The following SMIM13 variants were observed in gnomAD, a reference collection of about 807,000 sequenced individuals.
SMIM13 encodes UPF0766 protein C6orf228.
In SMIM13, 3 loss-of-function variants were observed where a neutral mutation model predicts 5.9. That is an observed-to-expected ratio of 0.51 (90% CI 0.23 to 1.31). SMIM13 has a LOEUF of 1.31. SMIM13 is among the 40% of genes most tolerant of loss of function. SMIM13 has a pLI of 0.18. For synonymous variants in SMIM13, 55 were observed against 46.0 expected (o/e 1.19, Z -0.79); for missense variants, 85 against 109.9 (o/e 0.77, Z 1.01).
chr6:11,126,654 G>A (rs149573402), intron 1 of SMIM13, among the ~76,000 whole-genome samples: 8 of 152,138 alleles, frequency 5.3e-5, no homozygotes, highest in South Asian at 2.1e-4. Context: ...TGGTGAGGTC[G>A]TGTTTTCCTG....
intron 1 of SMIM13, among the ~76,000 whole-genome samples, chr6:11,114,612 T>C (rs1193681809): frequency 2.2e-5 from 3 of 137,090 alleles, no homozygotes; most frequent in Non-Finnish European, 3.1e-5. Flanking sequence ...TTTTTTTTTT[T>C]TTTTGAGATG....
In SMIM13 at chr6:11,135,160, A is replaced by G. The variant is rs1230953452; in HGVS notation, c.*558A>G. 1 of 152,608 alleles carries G rather than the reference A, an allele frequency of 6.6e-6. No individual in the cohort carries two copies. Among genetic ancestry groups the G allele is most frequent in the Non-Finnish European group, 1.5e-5 (1 of 68,030 alleles). 9.5% of individuals were successfully genotyped at this position (152,608 alleles called of 1,614,324 possible). A position where few individuals can be genotyped will look rare whatever the true frequency, so the allele number is the denominator to read the frequency against. ...TGATTCAGCATTGAAACGAAAAGTTATTGTGTATGCAGAAAAGCATGGAAA... is the reference window on the plus strand; with the variant it reads ...TGATTCAGCATTGAAACGAAAAGTTGTTGTGTATGCAGAAAAGCATGGAAA... On this transcript the variant is annotated 3_prime_UTR_variant, in exon 2 of 2. Coordinates refer to ENST00000416247, the MANE Select transcript of SMIM13 (RefSeq NM_001135575.2).
At chr6:11,100,046 TTTTTTG>T (rs572329180) in intron 1 of SMIM13, among the ~76,000 whole-genome samples, 21 of 152,188 alleles carry the variant, frequency 1.4e-4, no homozygotes, top group Admixed American at 5.2e-4. Flanking sequence ...GGTACATTGT[TTTTTTG>T]TTTTTGTTTT....
intron 1 of SMIM13, 133 bp from the exon 2 acceptor site, chr6:11,134,270 A>G (rs924965863): frequency 1.6e-5 from 9 of 569,170 alleles, no homozygotes; most frequent in African/African-American, 1.5e-4. Context: ...AATGTTTGTT[A>G]TATCATTATA....
chr6:11,129,026 G>A (rs182885984), intron 1 of SMIM13, among the ~76,000 whole-genome samples: 3 of 151,980 alleles, frequency 2.0e-5, no homozygotes, highest in African/African-American at 7.2e-5. Flanking sequence ...TGATTTTTAT[G>A]GAGGTGCTTT....
rs939707420 is a variant in SMIM13 at position 11,135,607 on chromosome 6, G to A, written c.*1005G>A. 6.6e-6 allele frequency: 1 copy of A among 152,594 alleles called. No homozygotes were observed. The highest frequency in any genetic ancestry group is 1.5e-5 in the Non-Finnish European group (1 of 68,030). The allele number at this position is 152,594 out of a possible 1,614,324, so 9.5% of individuals were successfully genotyped here. On this transcript the variant is annotated 3_prime_UTR_variant, in exon 2 of 2. Transcript: ENST00000416247. Reference sequence around the variant, plus strand: ...CATAACCAGTACTCTTGACAACACCGGGAGAGACGTTCTGTGGAAAAATGC... The same window carrying A: ...CATAACCAGTACTCTTGACAACACCAGGAGAGACGTTCTGTGGAAAAATGC...
chr6:11,095,179 CTG>C (rs956436505), intron 1 of SMIM13, among the ~76,000 whole-genome samples: 42 of 152,280 alleles, frequency 2.8e-4, no homozygotes, highest in African/African-American at 1.0e-3. Flanking sequence ...ATTTATAAGA[CTG>C]AAGTATGGGT....
At chr6:11,097,712 A>T (rs1757943653) in intron 1 of SMIM13, among the ~76,000 whole-genome samples, 1 of 151,792 alleles carries the variant, frequency 6.6e-6, no homozygotes, top group Non-Finnish European at 1.5e-5. Context: ...GTACAGTCAC[A>T]CTGGGGGTTA....
chr6:11,133,867 T>C (rs1263062463), intron 1 of SMIM13, among the ~76,000 whole-genome samples: 2 of 152,114 alleles, frequency 1.3e-5, no homozygotes, highest in Admixed American at 1.3e-4. Context: ...CTTTAGTCTT[T>C]CATCATATAA....
intron 1 of SMIM13, among the ~76,000 whole-genome samples, chr6:11,108,748 G>T (rs1758125185): frequency 6.6e-6 from 1 of 152,170 alleles, no homozygotes; most frequent in African/African-American, 2.4e-5. Flanking sequence ...CAGGCATAGG[G>T]GTACTGGGAT....
rs1174816259 is a variant in SMIM13, at chr6:11,136,637, T to A, written c.*2035T>A. The A allele has an allele frequency of 6.6e-6, 1 of 152,132 alleles. No homozygotes were observed. The highest frequency in any genetic ancestry group is 2.4e-5 in the African/African-American group (1 of 41,436). The allele number at this position is 152,132 out of a possible 1,614,324, so 9.4% of individuals were successfully genotyped here. On this transcript the variant is annotated 3_prime_UTR_variant, in exon 2 of 2. Coordinates refer to ENST00000416247, the MANE Select transcript of SMIM13 (RefSeq NM_001135575.2). ...AATTCACAGAACATAACTTTAGTTT[T>A]ATGTGTTTGCTAGGGGAAGATTTCC...
Position 11,093,970 on chromosome 6 carries a change from G to C in SMIM13, c.-344G>C, listed in dbSNP as rs1047362645. ...CTTACCCTCTGTCCTCCCTACAGGC[G>C]CGCGGCGTCCGCCATGGAAGCGCAT... On this transcript the variant is annotated 5_prime_UTR_variant, in exon 1 of 2. Coordinates refer to ENST00000416247, the MANE Select transcript of SMIM13 (RefSeq NM_001135575.2). 8.5e-5 allele frequency: 13 copies of C among 152,404 alleles called. No homozygotes were observed. The highest frequency in any genetic ancestry group is 1.5e-5 in the Non-Finnish European group (1 of 68,196). The allele number at this position is 152,404 out of a possible 1,614,324, so 9.4% of individuals were successfully genotyped here. A position where few individuals can be genotyped will look rare whatever the true frequency, so the allele number is the denominator to read the frequency against.
chr6:11,115,792 C>T (rs1290177976), intron 1 of SMIM13, among the ~76,000 whole-genome samples: 4 of 150,742 alleles, frequency 2.7e-5, no homozygotes, highest in Non-Finnish European at 5.9e-5. Context: ...TCAAGCAATT[C>T]TCCTGCCTCA....
At chr6:11,097,705 C>A (rs1391327971) in intron 1 of SMIM13, among the ~76,000 whole-genome samples, 8 of 151,548 alleles carry the variant, frequency 5.3e-5, no homozygotes, top group Non-Finnish European at 1.2e-4. Flanking sequence ...AAATACCGTA[C>A]AGTCACACTG....
intron 1 of SMIM13, among the ~76,000 whole-genome samples, chr6:11,095,025 C>A (rs6916541): frequency 0.22 from 32,820 of 152,112 alleles, 3,894 homozygotes; most frequent in African/African-American, 0.31. Context: ...CTTTTTTCTT[C>A]AAATAATGGT....
In SMIM13 at chr6:11,130,393, G is replaced by A. The variant is rs558958128; in HGVS notation, c.77-4010G>A. ...GTGAGAAACAGTGTAACTACTACATGTTTTCCCCCAGCCCTCACACAGCCT... is the reference window on the plus strand; with the variant it reads ...GTGAGAAACAGTGTAACTACTACATATTTTCCCCCAGCCCTCACACAGCCT... On this transcript the variant is annotated intron_variant, in intron 1 of 1. Coordinates refer to ENST00000416247, the MANE Select transcript of SMIM13 (RefSeq NM_001135575.2). Among the ~76,000 whole-genome samples the A allele has an allele frequency of 3.3e-5, 5 of 152,166 alleles. No homozygotes were observed. The South Asian group carries it at 1.0e-3, about 32-fold the overall frequency.
chr6:11,121,726 A>G, intron 1 of SMIM13, among the ~76,000 whole-genome samples: 1 of 152,252 alleles, frequency 6.6e-6, no homozygotes, highest in East Asian at 1.9e-4. Context: ...TTCTGAATGC[A>G]TAAGTGCTGT....
intron 1 of SMIM13, among the ~76,000 whole-genome samples, chr6:11,124,947 G>C (rs139739929): frequency 6.6e-6 from 1 of 152,192 alleles, no homozygotes; most frequent in Non-Finnish European, 1.5e-5. Flanking sequence ...TCGATAAACT[G>C]TTCTAGGGTA....
intron 1 of SMIM13, among the ~76,000 whole-genome samples, chr6:11,101,933 T>G (rs1380419050): frequency 6.6e-6 from 1 of 152,074 alleles, no homozygotes; most frequent in Non-Finnish European, 1.5e-5. Context: ...AGAGACAGGG[T>G]TTCACTATGT....
Sources: gnomAD v4.1 joint callset for allele counts (sites outside exome capture counted in the v4.1 genomes callset) on GRCh38, gnomAD v4.1.1 for gene constraint, MANE v1.5 for transcripts, NCBI Gene and HGNC (gene_info 2026-07-23, HGNC 2026-07-21) for gene names.